USP13: variants seen among roughly 807,000 people sequenced by gnomAD.
USP13 encodes ubiquitin carboxyl-terminal hydrolase 13.
Under a neutral mutation model 107.8 loss-of-function variants are expected in USP13, and 68 were observed. The ratio of observed to expected loss-of-function variants is 0.63; its 90% CI spans 0.52 to 0.77. USP13 has a LOEUF of 0.77. Among genes scored for constraint, USP13 ranks in the 30% least tolerant of loss-of-function variants. The pLI is 0.00. For missense variants in USP13, 945 were observed against 1,093.3 expected, an observed-to-expected ratio of 0.86 and a Z score of 1.91; for synonymous variants, 377 against 389.5, an observed-to-expected ratio of 0.97 and a Z score of 0.38.
intron 2 of USP13, among the ~76,000 whole-genome samples, chr3:179,687,659 C>CAAAAATAAAAAAAA (rs1711921084): frequency 5.4e-5 from 1 of 18,516 alleles, no homozygotes; most frequent in African/African-American, 1.0e-4. Flanking sequence ...AACTCTGTCT[C>CAAAAATAAAAAAAA]AAAAAAAAAA....
chr3:179,761,013 C>T, intron 16 of USP13, 99 bp from the exon 17 acceptor site: 1 of 1,453,702 alleles, frequency 6.9e-7, no homozygotes, highest in East Asian at 2.3e-5. Context: ...CAGAATAGCA[C>T]TTTCTTTGGG....
Position 179,728,436 on chromosome 3 carries a change from G to T in USP13, c.1089-1753G>T, listed in dbSNP as rs1169220991. Among the ~76,000 whole-genome samples, 9 of 150,678 alleles carry T rather than the reference G, an allele frequency of 6.0e-5. No homozygotes were observed. In the East Asian group the frequency reaches 1.8e-3, roughly 30 times the overall value. Reference sequence around the variant, plus strand: ...TCCCAGATGTGATGGCGGCCGGGAAGAGGCGCTCCTCACTTCCTAGATGGG... The same window carrying T: ...TCCCAGATGTGATGGCGGCCGGGAATAGGCGCTCCTCACTTCCTAGATGGG... On this transcript the variant is annotated intron_variant, in intron 8 of 20. Coordinates refer to ENST00000263966, the MANE Select transcript of USP13 (RefSeq NM_003940.3).
intron 3 of USP13, among the ~76,000 whole-genome samples, chr3:179,696,772 G>A (rs1712342068): frequency 2.0e-5 from 3 of 152,110 alleles, no homozygotes; most frequent in Admixed American, 2.0e-4. Context: ...ATGAAAGTTG[G>A]TGAGTTTGGG....
At chr3:179,745,299 T>A in intron 13 of USP13, 82 bp downstream of exon 13, 3 of 1,471,884 alleles carry the variant, frequency 2.0e-6, no homozygotes, top group Non-Finnish European at 2.8e-6. Flanking sequence ...AGGGGGTGGG[T>A]GTTATTTGTG....
intron 1 of USP13, among the ~76,000 whole-genome samples, chr3:179,679,352 A>T (rs1195253300): frequency 2.0e-5 from 3 of 152,218 alleles, no homozygotes; most frequent in Non-Finnish European, 1.5e-5. Context: ...TGTAATAAAC[A>T]TCAATGTTTG....
In USP13 at chr3:179,721,447, GAGTGGGA is replaced by G; in HGVS notation, c.951_957del (p.Trp317Ter). 6.2e-7 allele frequency: 1 copy of G among 1,614,190 alleles called. No homozygotes were observed. Among genetic ancestry groups the G allele is most frequent in the Non-Finnish European group, 8.5e-7 (1 of 1,180,014 alleles). ...CAATGACATCAAGCTGAGGGTCAGT[GAGTGGGA>G]AGTGATCCAGGAGTCGGGCACGAAA... On this transcript the variant is annotated frameshift_variant, in exon 8 of 21. Coordinates refer to ENST00000263966, the MANE Select transcript of USP13 (RefSeq NM_003940.3). LOFTEE classifies it high-confidence loss of function. The surrounding 1 kb of genome is among the most constrained non-coding windows in gnomAD (Gnocchi z 4.3).
chr3:179,724,313 C>A (rs1384027142), intron 8 of USP13, among the ~76,000 whole-genome samples: 2 of 151,816 alleles, frequency 1.3e-5, no homozygotes, highest in Non-Finnish European at 2.9e-5. Context: ...CACAAATTAG[C>A]CGGGCATGGT....
intron 19 of USP13, among the ~76,000 whole-genome samples, chr3:179,768,514 C>T (rs753629220): frequency 8.5e-5 from 13 of 152,118 alleles, no homozygotes; most frequent in Non-Finnish European, 1.8e-4. Flanking sequence ...ATGAGATGCA[C>T]TTAGAAATCG....
At position 179,721,504 on chromosome 3, in the gene USP13, T is replaced by C; in HGVS notation, c.1003T>C (p.Tyr335His). The C allele has an allele frequency of 6.2e-7, 1 of 1,614,210 alleles. No individual in the cohort carries two copies. The highest frequency in any genetic ancestry group is 8.5e-7 in the Non-Finnish European group (1 of 1,180,040). The change falls in exon 8 of 21, where the codon TAC becomes CAC. Residue 335 changes from tyrosine to histidine, a missense_variant. Coordinates refer to ENST00000263966, the MANE Select transcript of USP13 (RefSeq NM_003940.3). This position sits in a 1 kb window ranked among gnomAD's most constrained non-coding sequence, Gnocchi z 4.3. ...ACTGAAGCCAATGTATGGTCCTGGC[T>C]ACACGGGTCTGAAGAACCTGGGCAA... The part of the protein sequence containing the change: ...TKLKPMYGPG[Y>H]TGLKNLGNSC...
At chr3:179,743,783 G>GT (rs1714291575) in intron 12 of USP13, among the ~76,000 whole-genome samples, 1 of 151,454 alleles carries the variant, frequency 6.6e-6, no homozygotes, top group East Asian at 1.9e-4. Flanking sequence ...GAATTTGACT[G>GT]TTGGGAACAC....
intron 16 of USP13, 118 bp downstream of exon 16, chr3:179,757,196 C>T (rs1714840035): frequency 2.5e-6 from 3 of 1,181,626 alleles, no homozygotes; most frequent in Non-Finnish European, 1.2e-6. Context: ...CAGCTTTTCC[C>T]AGGTGGGAAC....
chr3:179,755,161 T>G (rs1714745894), intron 15 of USP13, among the ~76,000 whole-genome samples: 1 of 152,152 alleles, frequency 6.6e-6, no homozygotes, highest in South Asian at 2.1e-4. Flanking sequence ...AAGGGGAAAT[T>G]GAACAGCGTG....
chr3:179,699,077 C>T (rs1482842475), intron 3 of USP13, among the ~76,000 whole-genome samples: 1 of 152,092 alleles, frequency 6.6e-6, no homozygotes, highest in Non-Finnish European at 1.5e-5. Flanking sequence ...CCATCTTGGC[C>T]AGGCTGGTCT....
intron 6 of USP13, 122 bp downstream of exon 6, chr3:179,709,079 T>A: frequency 8.5e-7 from 1 of 1,177,818 alleles, no homozygotes; most frequent in Non-Finnish European, 1.2e-6. Flanking sequence ...GTTTGAATTC[T>A]AATTCTGCCT....
intron 19 of USP13, among the ~76,000 whole-genome samples, chr3:179,770,754 G>A (rs1017827235): frequency 6.6e-6 from 1 of 151,946 alleles, no homozygotes; most frequent in Non-Finnish European, 1.5e-5. Flanking sequence ...ACAGGCACGC[G>A]CCACCACACC....
At chr3:179,780,519 AAG>A (rs1304566129) in intron 19 of USP13, among the ~76,000 whole-genome samples, 3 of 152,158 alleles carry the variant, frequency 2.0e-5, no homozygotes, top group Admixed American at 1.3e-4. Context: ...GAGAGAAAGA[AAG>A]AGAGTCTGGA....
chr3:179,762,989 T>C (rs1019665762), intron 17 of USP13, among the ~76,000 whole-genome samples: 5 of 152,236 alleles, frequency 3.3e-5, no homozygotes, highest in African/African-American at 1.2e-4. Context: ...ACTAATGATG[T>C]TGAACAACTT....
intron 13 of USP13, among the ~76,000 whole-genome samples, chr3:179,750,646 T>C (rs1207046303): frequency 6.6e-6 from 1 of 152,204 alleles, no homozygotes; most frequent in Admixed American, 6.5e-5. Flanking sequence ...GACAGTTCAA[T>C]TCAGCATCCA....
rs144175090 is a variant in USP13, at chr3:179,655,562, GT to G, written c.168+2173del. On this transcript the variant is annotated intron_variant, in intron 1 of 20. Transcript: ENST00000263966. ...ATAATGGGAAGGTTTTTTTTGTTTT[GT>G]TTTGTTTTTTTTTTGAGTTTTGCTC... Among the ~76,000 whole-genome samples, 452 of 124,834 alleles carry G rather than the reference GT, an allele frequency of 3.6e-3. 34 individuals are homozygous for G. The highest frequency in any genetic ancestry group is 0.014 in the African/African-American group (401 of 28,464). 81.9% of individuals were successfully genotyped at this position (124,834 alleles called of 152,430 possible). A position where few individuals can be genotyped will look rare whatever the true frequency, so the allele number is the denominator to read the frequency against.
Sources: allele counts gnomAD v4.1 joint callset (sites outside exome capture counted in the v4.1 genomes callset), GRCh38; gene constraint gnomAD v4.1.1; non-coding constraint Gnocchi (gnomAD v3.1); transcripts MANE v1.5; gene names NCBI Gene and HGNC (gene_info 2026-07-23, HGNC 2026-07-21).